TP53TG5: variants seen among roughly 807,000 people sequenced by gnomAD.
TP53TG5 encodes TP53-target gene 5 protein.
TP53TG5 carries 17 observed loss-of-function variants against 30.0 expected under a neutral mutation model. The observed-to-expected ratio is 0.57, with a 90% CI of 0.39 to 0.85. TP53TG5 has a LOEUF of 0.85. Among genes scored for constraint, TP53TG5 ranks in the 40% least tolerant of loss-of-function variants. TP53TG5 has a pLI of 0.00. For synonymous variants in TP53TG5, 137 were observed against 139.2 expected (o/e 0.98, Z 0.11); for missense variants, 338 against 367.9 (o/e 0.92, Z 0.67).
chr20:45,375,217 C>G lies in TP53TG5; in HGVS notation c.590G>C (p.Gly197Ala). The G allele has an allele frequency of 6.2e-7, 1 of 1,614,196 alleles. No homozygotes were observed. Among genetic ancestry groups the G allele is most frequent in the Non-Finnish European group, 8.5e-7 (1 of 1,180,026 alleles). Residue 197 changes from glycine to alanine, a missense_variant, in exon 4 of 5, where the codon GGG becomes GCG. Transcript: ENST00000372726. ...IKPYRNRTPMGHMKQLDVADQ... is the reference protein window; with the variant it reads ...IKPYRNRTPMAHMKQLDVADQ... ...GGCTACATCCAGCTGCTTCATGTGCCCCATGGGAGTTCTATTGCGGTAGGG... is the reference window on the plus strand; with the variant it reads ...GGCTACATCCAGCTGCTTCATGTGCGCCATGGGAGTTCTATTGCGGTAGGG...
intron 4 of TP53TG5, chr20:45,374,320 TG>T (rs1449708665): frequency 1.3e-5 from 9 of 688,830 alleles, no homozygotes; most frequent in Non-Finnish European, 2.1e-5. Context: ...TTGCCCAGGC[TG>T]GAGTGCAGTG....
At chr20:45,377,724 G>C (rs6032149) in intron 1 of TP53TG5, 111 bp from the exon 2 acceptor site, 5 of 988,502 alleles carry the variant, frequency 5.1e-6, no homozygotes, top group Non-Finnish European at 7.8e-6. Flanking sequence ...GCTCATTTGA[G>C]GTCAGGAGTT....
chr20:45,374,131 T>C (rs1327443254), intron 4 of TP53TG5, 120 bp from the exon 5 acceptor site: 7 of 906,288 alleles, frequency 7.7e-6, no homozygotes, highest in African/African-American at 1.7e-5. Context: ...ATGCCTTTGC[T>C]AAAAAGGAAA....
chr20:45,378,097 C>T (rs941887294), intron 1 of TP53TG5, 92 bp downstream of exon 1: 2 of 1,565,404 alleles, frequency 1.3e-6, no homozygotes, highest in African/African-American at 2.7e-5. Flanking sequence ...TCCTTTTCTC[C>T]CATGCTGGAA....
Position 45,375,235 on chromosome 20 carries a change from C to T in TP53TG5, c.572G>A (p.Arg191His), listed in dbSNP as rs2231620. The change falls in exon 4 of 5, where the codon CGC becomes CAC. Residue 191 changes from arginine (R) to histidine (H), a missense_variant. Physicochemically the swap from Arg to His is conservative, Grantham distance 29 (BLOSUM62 0). Transcript: ENST00000372726. ...CATGTGCCCCATGGGAGTTCTATTG[C>T]GGTAGGGCTTAATGAAGATGACTCG... ...GPRVIFIKPY[R>H]NRTPMGHMKQ... The T allele has an allele frequency of 7.1e-4, 1,144 of 1,614,138 alleles. 11 individuals are homozygous for T. In the African/African-American group the frequency reaches 0.014, roughly 20 times the overall value.
intron 2 of TP53TG5, 95 bp from the exon 3 acceptor site, chr20:45,377,437 C>T (rs1988765328): frequency 2.5e-6 from 4 of 1,608,216 alleles, no homozygotes; most frequent in Non-Finnish European, 3.4e-6. Flanking sequence ...CAGCCAAGGG[C>T]CGGCCTGCTG....
chr20:45,374,334 G>C, intron 4 of TP53TG5: 1 of 682,758 alleles, frequency 1.5e-6, no homozygotes. Flanking sequence ...GTGCAGTGGC[G>C]AAGTCACAGC....
At position 45,378,214 on chromosome 20, in the gene TP53TG5, C is replaced by T; in HGVS notation, c.23G>A (p.Arg8Lys). The T allele has an allele frequency of 6.2e-7, 1 of 1,614,124 alleles. No individual in the cohort carries two copies. The change falls in exon 1 of 5, where the codon AGG (arginine) becomes AAG (lysine). Residue 8 changes from arginine (R) to lysine (K), a missense_variant. Arg to Lys is a conservative substitution (Grantham distance 26). Coordinates refer to ENST00000372726, the MANE Select transcript of TP53TG5 (RefSeq NM_014477.3). MSPSAKKRPKNSRVSKMQ... is the reference protein window; with the variant it reads MSPSAKKKPKNSRVSKMQ... ...CTTGGAAACCCTGCTGTTCTTGGGC[C>T]TCTTCTTTGCTGATGGACTCATGCT...
In TP53TG5 at chr20:45,375,204, C is replaced by G; in HGVS notation, c.603G>C (p.Gln201His). Reference sequence around the variant, plus strand: ...AGATCCACTGGTCGGCTACATCCAGCTGCTTCATGTGCCCCATGGGAGTTC... The same window carrying G: ...AGATCCACTGGTCGGCTACATCCAGGTGCTTCATGTGCCCCATGGGAGTTC... ...RNRTPMGHMKQLDVADQWIWF... is the reference protein window; with the variant it reads ...RNRTPMGHMKHLDVADQWIWF... Residue 201 changes from glutamine to histidine, a missense_variant, in exon 4 of 5, where the codon CAG (glutamine) becomes CAC (histidine). Transcript: ENST00000372726. 1 of 1,614,224 alleles carries G rather than the reference C, an allele frequency of 6.2e-7. No homozygotes were observed.
intron 4 of TP53TG5, 54 bp from the exon 5 acceptor site, chr20:45,374,065 G>T (rs1290223201): frequency 7.7e-6 from 12 of 1,561,986 alleles, no homozygotes; most frequent in African/African-American, 1.4e-5. Context: ...GGGGGCGCTG[G>T]TCGTTTGGGG....
Position 45,377,597 on chromosome 20 carries a change from A to G in TP53TG5, c.65T>C (p.Leu22Pro). 1 of 1,614,026 alleles carries G rather than the reference A, an allele frequency of 6.2e-7. No individual in the cohort carries two copies. Among genetic ancestry groups the G allele is most frequent in the Non-Finnish European group, 8.5e-7 (1 of 1,179,978 alleles). Residue 22 changes from leucine (L) to proline (P), a missense_variant, in exon 2 of 5, where the codon CTG becomes CCG. Transcript: ENST00000372726. ...CACAGGCTGCTCTGTCTCGTCCCGC[A>G]GTTTCTCATCTTGCATCTGAGGGAC... ...SRVSKMQDEK[L>P]RDETEQPVSK...
Position 45,377,572 on chromosome 20 carries a change from C to T in TP53TG5, c.90G>A (p.Val30=). 2.5e-6 allele frequency: 4 copies of T among 1,614,120 alleles called. No individual in the cohort carries two copies. Among genetic ancestry groups the T allele is most frequent in the Non-Finnish European group, 3.4e-6 (4 of 1,180,018 alleles). ...EKLRDETEQP[V]SKVIERNRLR... ...GACGGTTCCGCTCAATTACTTTGCT[C>T]ACAGGCTGCTCTGTCTCGTCCCGCA... Residue 30 remains valine (V), a synonymous_variant, in exon 2 of 5, where the codon GTG becomes GTA. Transcript: ENST00000372726.
intron 3 of TP53TG5, 108 bp downstream of exon 3, chr20:45,377,104 C>T: frequency 5.6e-6 from 8 of 1,440,168 alleles, no homozygotes; most frequent in Non-Finnish European, 7.6e-6. Flanking sequence ...ATACCTCTCT[C>T]ACAGAGGCTT....
Position 45,375,027 on chromosome 20 carries a change from T to G in TP53TG5, c.768+12A>C. On this transcript the variant is annotated intron_variant, in intron 4 of 4. Coordinates refer to ENST00000372726, the MANE Select transcript of TP53TG5 (RefSeq NM_014477.3). ...ATCTCACCTAGCCTGGCAGTGTTGTTGTCACACCCACCTTGTATGGATGCC... is the reference window on the plus strand; with the variant it reads ...ATCTCACCTAGCCTGGCAGTGTTGTGGTCACACCCACCTTGTATGGATGCC... The G allele has an allele frequency of 6.2e-7, 1 of 1,607,232 alleles. No homozygotes were observed. The highest frequency in any genetic ancestry group is 1.1e-5 in the South Asian group (1 of 90,666).
intron 1 of TP53TG5, 27 bp downstream of exon 1, chr20:45,378,162 C>A (rs1159536366): frequency 6.2e-7 from 1 of 1,613,684 alleles, no homozygotes; most frequent in East Asian, 2.2e-5. Context: ...TAGGGACTCA[C>A]CCCCAGGGTC....
rs1191300928 is a variant in TP53TG5 at position 45,375,057 on chromosome 20, A to G, written c.750T>C (p.Pro250=). 1 of 1,613,808 alleles carries G rather than the reference A, an allele frequency of 6.2e-7. No individual in the cohort carries two copies. Among genetic ancestry groups the G allele is most frequent in the Admixed American group, 1.7e-5 (1 of 60,020 alleles). ...TRFCSASLEM[P]MWHPYKVDVT... ...CACCCACCTTGTATGGATGCCACAT[A>G]GGCATTTCAAGTGATGCGGAGCAGA... The change falls in exon 4 of 5, where the codon CCT becomes CCC. Residue 250 remains proline (P), a synonymous_variant. Coordinates refer to ENST00000372726, the MANE Select transcript of TP53TG5 (RefSeq NM_014477.3).
intron 1 of TP53TG5, among the ~76,000 whole-genome samples, 163 bp downstream of exon 1, chr20:45,378,026 T>C (rs1200745677): frequency 6.6e-6 from 1 of 152,182 alleles, no homozygotes; most frequent in African/African-American, 2.4e-5. Flanking sequence ...GTCATCTTGG[T>C]CTGGGGACAG....
chr20:45,377,638 CAT>C (rs1247616929), intron 1 of TP53TG5, 25 bp from the exon 2 acceptor site: 9 of 1,610,596 alleles, frequency 5.6e-6, no homozygotes, highest in Non-Finnish European at 7.6e-6. Flanking sequence ...ATAAGAGAGA[CAT>C]AAACCCAGAG....
chr20:45,375,229 C>A lies in TP53TG5; in HGVS notation c.578G>T (p.Arg193Ile), dbSNP rs756129647. 8 of 1,614,052 alleles carry A rather than the reference C, an allele frequency of 5.0e-6. No homozygotes were observed. The highest frequency in any genetic ancestry group is 5.9e-6 in the Non-Finnish European group (7 of 1,180,030). ...CTGCTTCATGTGCCCCATGGGAGTTCTATTGCGGTAGGGCTTAATGAAGAT... is the reference window on the plus strand; with the variant it reads ...CTGCTTCATGTGCCCCATGGGAGTTATATTGCGGTAGGGCTTAATGAAGAT... The part of the protein sequence containing the change: ...RVIFIKPYRN[R>I]TPMGHMKQLD... The change falls in exon 4 of 5, where the codon AGA becomes ATA. Residue 193 changes from arginine (R) to isoleucine (I), a missense_variant. Transcript: ENST00000372726.
Sources: allele counts gnomAD v4.1 joint callset (sites outside exome capture counted in the v4.1 genomes callset), GRCh38; gene constraint gnomAD v4.1.1; transcripts MANE v1.5; gene names NCBI Gene and HGNC (gene_info 2026-07-23, HGNC 2026-07-21).